Variants in HCN1 observed in about 807,000 individuals in gnomAD.
The protein encoded by HCN1 is hyperpolarization activated cyclic nucleotide gated potassium channel 1.
In HCN1, 13 loss-of-function variants were observed where a neutral mutation model predicts 78.9. The ratio of observed to expected loss-of-function variants is 0.16; its 90% CI spans 0.11 to 0.26. HCN1 has a LOEUF of 0.26. Among genes scored for constraint, HCN1 ranks in the 10% least tolerant of loss-of-function variants. The pLI, the probability that HCN1 is intolerant of heterozygous loss-of-function variation, is 1.00. For synonymous variants in HCN1, 552 were observed against 455.5 expected, an observed-to-expected ratio of 1.21 and a Z score of -2.70; for missense variants, 810 against 1,154.3, an observed-to-expected ratio of 0.70 and a Z score of 4.32.
chr5:45,331,372 T>A (rs1746340994), intron 5 of HCN1, among the ~76,000 whole-genome samples: 1 of 151,312 alleles, frequency 6.6e-6, no homozygotes, highest in African/African-American at 2.4e-5. Context: ...CTCTATAAAA[T>A]ACACTTATTT....
At chr5:45,419,570 C>T (rs573387973) in intron 3 of HCN1, among the ~76,000 whole-genome samples, 16 of 152,274 alleles carry the variant, frequency 1.1e-4, no homozygotes, top group African/African-American at 3.1e-4. Context: ...CTTCAGCTAC[C>T]TTTTGTTCAG....
At chr5:45,648,949 A>G (rs1253012995) in intron 1 of HCN1, among the ~76,000 whole-genome samples, 1 of 151,870 alleles carries the variant, frequency 6.6e-6, no homozygotes. Context: ...AATTAAACGA[A>G]AACAACTTAG....
intron 2 of HCN1, among the ~76,000 whole-genome samples, chr5:45,521,434 G>A (rs1742612440): frequency 6.6e-6 from 1 of 152,006 alleles, no homozygotes; most frequent in African/African-American, 2.4e-5. Context: ...GGTTTCTTGT[G>A]AGGTTTGTGA....
chr5:45,319,188 C>A (rs773638225), intron 5 of HCN1, among the ~76,000 whole-genome samples: 1 of 151,944 alleles, frequency 6.6e-6, no homozygotes, highest in Non-Finnish European at 1.5e-5. Flanking sequence ...GCATCTTATG[C>A]ACTGATTTGG....
intron 1 of HCN1, among the ~76,000 whole-genome samples, chr5:45,669,986 T>C (rs999236203): frequency 3.3e-5 from 5 of 151,760 alleles, no homozygotes; most frequent in Non-Finnish European, 7.4e-5. Flanking sequence ...AGGTGTAAAG[T>C]TGTTTCCTCC....
At chr5:45,471,666 A>G (rs1360660418) in intron 2 of HCN1, among the ~76,000 whole-genome samples, 1 of 151,912 alleles carries the variant, frequency 6.6e-6, no homozygotes, top group Non-Finnish European at 1.5e-5. Context: ...TTATCTTACA[A>G]TGTGTATTTT....
intron 4 of HCN1, among the ~76,000 whole-genome samples, chr5:45,359,416 A>AAAT (rs1554020375): frequency 3.9e-4 from 55 of 142,572 alleles, no homozygotes; most frequent in African/African-American, 1.2e-3. Flanking sequence ...AAAAAAAAAA[A>AAAT]ATATATATAT....
chr5:45,580,499 T>A (rs1744041774), intron 2 of HCN1, among the ~76,000 whole-genome samples: 1 of 152,074 alleles, frequency 6.6e-6, no homozygotes, highest in Non-Finnish European at 1.5e-5. Flanking sequence ...CATATCAGAC[T>A]TCTGATCTAC....
intron 5 of HCN1, among the ~76,000 whole-genome samples, chr5:45,337,800 G>C (rs1370232087): frequency 6.6e-6 from 1 of 152,090 alleles, no homozygotes; most frequent in Non-Finnish European, 1.5e-5. Context: ...CTCAGGGAAG[G>C]CCTCTTCAGG....
chr5:45,321,467 C>G (rs1366790959), intron 5 of HCN1, among the ~76,000 whole-genome samples: 1 of 150,216 alleles, frequency 6.7e-6, no homozygotes, highest in Admixed American at 6.6e-5. Flanking sequence ...AGTGGGGCCT[C>G]CCTGTTATCT....
At chr5:45,327,669 G>C (rs1746262348) in intron 5 of HCN1, among the ~76,000 whole-genome samples, 1 of 151,596 alleles carries the variant, frequency 6.6e-6, no homozygotes. Flanking sequence ...AATGTATTTA[G>C]ATAGAGGGTA....
At chr5:45,694,473 C>A (rs6873359) in intron 1 of HCN1, among the ~76,000 whole-genome samples, 1 of 152,022 alleles carries the variant, frequency 6.6e-6, no homozygotes. Flanking sequence ...GGACAGCTCC[C>A]GTTAAGGCAT....
In HCN1 at chr5:45,504,321, A is replaced by G. The variant is rs1199237506; in HGVS notation, c.850-42314T>C. Among the ~76,000 whole-genome samples, 4 of 152,008 alleles carry G rather than the reference A, an allele frequency of 2.6e-5. No individual in the cohort carries two copies. The East Asian group carries it at 5.8e-4, about 22-fold the overall frequency. On this transcript the variant is annotated intron_variant, in intron 2 of 7. Transcript: ENST00000303230. ...TGTGTCCAAGTGTTCTCATTGTTCA[A>G]TTCCCACCTATGAGTGAGAACATTC... is the stretch of plus-strand genomic sequence containing the variant.
Position 45,262,280 on chromosome 5 carries a change from G to A in HCN1, c.2314C>T (p.Gln772Ter), listed in dbSNP as rs975750493. Reference sequence around the variant, plus strand: ...GTCAGGTTGGTGTTGTGAAGCGCCTGCGTGCTCTTGTGCACTTCATTTTTC... The same window carrying A: ...GTCAGGTTGGTGTTGTGAAGCGCCTACGTGCTCTTGTGCACTTCATTTTTC... The part of the protein sequence containing the change: ...TPKNEVHKST[Q>*]ALHNTNLTRE... Residue 772 changes from glutamine to a stop codon, truncating the protein, a stop_gained, in exon 8 of 8, where the codon CAG (glutamine) becomes TAG (stop). Coordinates refer to ENST00000303230, the MANE Select transcript of HCN1 (RefSeq NM_021072.4). LOFTEE classifies it high-confidence loss of function. 1.2e-6 allele frequency: 2 copies of A among 1,614,066 alleles called. No individual in the cohort carries two copies. Among genetic ancestry groups the A allele is most frequent in the Non-Finnish European group, 1.7e-6 (2 of 1,180,044 alleles).
At chr5:45,462,041 T>C in intron 2 of HCN1, 34 bp from the exon 3 acceptor site, 1 of 1,581,074 alleles carries the variant, frequency 6.3e-7, no homozygotes, top group South Asian at 1.1e-5. Context: ...ATTCTTATAA[T>C]CAATTTTTTA....
intron 3 of HCN1, among the ~76,000 whole-genome samples, chr5:45,416,271 ACTC>A (rs1260417091): frequency 6.6e-6 from 1 of 151,620 alleles, no homozygotes; most frequent in Admixed American, 6.6e-5. Context: ...CATATATCCC[ACTC>A]CTCACTTGAT....
At chr5:45,489,737 G>T (rs917800656) in intron 2 of HCN1, among the ~76,000 whole-genome samples, 5 of 152,150 alleles carry the variant, frequency 3.3e-5, no homozygotes, top group African/African-American at 9.7e-5. Context: ...TGTTCTCCAA[G>T]ATGTGGTTCC....
intron 4 of HCN1, among the ~76,000 whole-genome samples, chr5:45,369,242 C>G (rs1217971275): frequency 6.6e-6 from 1 of 151,968 alleles, no homozygotes; most frequent in Non-Finnish European, 1.5e-5. Flanking sequence ...TTGCTACAAA[C>G]AGCCCAGTTT....
At chr5:45,282,996 T>C (rs1284912373) in intron 6 of HCN1, among the ~76,000 whole-genome samples, 1 of 152,180 alleles carries the variant, frequency 6.6e-6, no homozygotes, top group Non-Finnish European at 1.5e-5. Flanking sequence ...GTAAAGGTAA[T>C]TACAAACTTG....
Sources: gnomAD v4.1 joint callset for allele counts (sites outside exome capture counted in the v4.1 genomes callset) on GRCh38, gnomAD v4.1.1 for gene constraint, MANE v1.5 for transcripts, NCBI Gene and HGNC (gene_info 2026-07-23, HGNC 2026-07-21) for gene names.